The following MGST1 variants were observed in gnomAD, a reference collection of about 807,000 sequenced individuals.
MGST1 encodes glutathione S-transferase 12.
A neutral mutation model predicts 8.9 loss-of-function variants in MGST1; 5 were observed. The ratio of observed to expected loss-of-function variants is 0.56; its 90% CI spans 0.29 to 1.19. MGST1 has a LOEUF of 1.19. MGST1 is among the 50% of genes most tolerant of loss of function. The probability of loss-of-function intolerance (pLI) is 0.08; values close to 1 mark genes in which losing one functional copy is unlikely to be tolerated. For synonymous variants in MGST1, 54 were observed against 67.8 expected (o/e 0.80, Z 1.00); for missense variants, 182 against 187.4 (o/e 0.97, Z 0.17).
chr12:16,394,480 TTCTTC>T, intron 1 of MGST1, among the ~76,000 whole-genome samples: 1 of 140,706 alleles, frequency 7.1e-6, no homozygotes, highest in East Asian at 2.2e-4. Flanking sequence ...CTTTCTATCT[TTCTTC>T]CTTTCTTTCT....
intron 4 of MGST1, among the ~76,000 whole-genome samples, chr12:16,519,356 C>A (rs1941634438): frequency 6.6e-6 from 1 of 152,154 alleles, no homozygotes; most frequent in South Asian, 2.1e-4. Context: ...ATAGAGACTA[C>A]TTCTGGGAAC....
intron 4 of MGST1, among the ~76,000 whole-genome samples, chr12:16,467,060 A>T (rs10772940): frequency 0.56 from 84,501 of 151,652 alleles, 24,101 homozygotes; most frequent in Non-Finnish European, 0.64. Context: ...TCTTTTATTT[A>T]AAAAAAAATT....
chr12:16,432,731 C>G (rs55849479), intron 1 of MGST1, among the ~76,000 whole-genome samples: 88,697 of 131,166 alleles, frequency 0.68, 30,270 homozygotes, highest in East Asian at 0.96. Flanking sequence ...CACACACACA[C>G]AGAGAGAGAG....
chr12:16,368,911 C>T (rs1010660350), downstream of MGST1, among the ~76,000 whole-genome samples: 2 of 152,114 alleles, frequency 1.3e-5, no homozygotes, highest in African/African-American at 4.8e-5. Context: ...ACGAAGAGAT[C>T]TGTATTAGTA....
intron 4 of MGST1, among the ~76,000 whole-genome samples, chr12:16,580,974 TTA>T (rs1271815470): frequency 6.6e-6 from 1 of 152,220 alleles, no homozygotes; most frequent in Admixed American, 6.5e-5. Context: ...TCCCTCAAGT[TTA>T]TGTTTGTTGT....
At chr12:16,443,076 T>C (rs1286171146), downstream of MGST1, among the ~76,000 whole-genome samples, 2 of 151,820 alleles carry the variant, frequency 1.3e-5, no homozygotes, top group Non-Finnish European at 2.9e-5. Flanking sequence ...GGGTTATATA[T>C]ATTCTTGTTT....
intron 1 of MGST1, among the ~76,000 whole-genome samples, chr12:16,407,585 A>G (rs1478562544): frequency 6.6e-6 from 1 of 152,172 alleles, no homozygotes; most frequent in Non-Finnish European, 1.5e-5. Flanking sequence ...AGGAATATAA[A>G]TTGTTGCATC....
intron 4 of MGST1, among the ~76,000 whole-genome samples, chr12:16,508,341 C>T (rs1941554190): frequency 6.6e-6 from 1 of 152,166 alleles, no homozygotes; most frequent in Non-Finnish European, 1.5e-5. Flanking sequence ...CTTGTTACTT[C>T]CCTCAGAGTA....
At chr12:16,358,397 T>G (rs975655549) in intron 3 of MGST1, among the ~76,000 whole-genome samples, 3 of 152,172 alleles carry the variant, frequency 2.0e-5, no homozygotes, top group African/African-American at 4.8e-5. Context: ...TTTGTTTTTC[T>G]TTTCCTGTGT....
At chr12:16,393,351 A>G (rs1940570704) in intron 1 of MGST1, among the ~76,000 whole-genome samples, 1 of 152,146 alleles carries the variant, frequency 6.6e-6, no homozygotes, top group African/African-American at 2.4e-5. Flanking sequence ...TTCCTTCCTC[A>G]TTTCCAAAAG....
rs1290400840 is a variant in MGST1 at position 16,537,638 on chromosome 12, T to G, written n.483-51890T>G. Among the ~76,000 whole-genome samples, 1 of 152,248 alleles carries G rather than the reference T, an allele frequency of 6.6e-6. No individual in the cohort carries two copies. Among genetic ancestry groups the G allele is most frequent in the African/African-American group, 2.4e-5 (1 of 41,474 alleles). On this transcript the variant is annotated intron_variant and non_coding_transcript_variant, in intron 4 of 4. Transcript: ENST00000538857. This position sits in a 1 kb window ranked among gnomAD's most constrained non-coding sequence, Gnocchi z 4.6. ...GGTGGAGGTTCCCAAACCTCAATTCTTGACTTCTGTGCACCTGCAGACTCA... is the reference window on the plus strand; with the variant it reads ...GGTGGAGGTTCCCAAACCTCAATTCGTGACTTCTGTGCACCTGCAGACTCA...
At chr12:16,526,205 A>T (rs1316059498) in intron 4 of MGST1, among the ~76,000 whole-genome samples, 1 of 151,604 alleles carries the variant, frequency 6.6e-6, no homozygotes, top group Non-Finnish European at 1.5e-5. Flanking sequence ...TGTTTTAGAC[A>T]TGAAGTCCTT....
intron 4 of MGST1, among the ~76,000 whole-genome samples, chr12:16,574,620 C>T (rs187154004): frequency 6.6e-6 from 1 of 152,236 alleles, no homozygotes; most frequent in East Asian, 1.9e-4. Flanking sequence ...AATTTTAAAT[C>T]TCAGTTTTCT....
At chr12:16,399,702 A>T in intron 1 of MGST1, 3 of 1,300,368 alleles carry the variant, frequency 2.3e-6, no homozygotes, top group Non-Finnish European at 3.4e-6. Flanking sequence ...AGGGTCATCA[A>T]CAATGGTCTT....
At chr12:16,391,473 A>G (rs1940552467) in intron 1 of MGST1, among the ~76,000 whole-genome samples, 1 of 152,084 alleles carries the variant, frequency 6.6e-6, no homozygotes, top group South Asian at 2.1e-4. Context: ...AGCTTCACCC[A>G]TGTTCCTGCA....
chr12:16,529,485 C>G (rs1317807232), intron 4 of MGST1, among the ~76,000 whole-genome samples: 3 of 152,040 alleles, frequency 2.0e-5, no homozygotes, highest in East Asian at 3.9e-4. Context: ...ACCTGGCACA[C>G]AAGTCTATCA....
chr12:16,423,047 C>T (rs181534618), intron 1 of MGST1, among the ~76,000 whole-genome samples: 1 of 152,294 alleles, frequency 6.6e-6, no homozygotes, highest in East Asian at 1.9e-4. Flanking sequence ...TTGTCTCCTC[C>T]ACTAAGGAAG....
intron 1 of MGST1, among the ~76,000 whole-genome samples, chr12:16,393,176 T>C (rs551166050): frequency 6.6e-6 from 1 of 152,338 alleles, no homozygotes; most frequent in South Asian, 2.1e-4. Context: ...GCCAGGCCTT[T>C]GGAAGATGCC....
At chr12:16,409,292 ATG>A (rs1331433561) in intron 1 of MGST1, among the ~76,000 whole-genome samples, 1 of 151,774 alleles carries the variant, frequency 6.6e-6, no homozygotes, top group Non-Finnish European at 1.5e-5. Context: ...GTGTGTGTGT[ATG>A]TGTGTGTATA....
Sources: allele counts gnomAD v4.1 joint callset (sites outside exome capture counted in the v4.1 genomes callset), GRCh38; gene constraint gnomAD v4.1.1; non-coding constraint Gnocchi (gnomAD v3.1); transcripts MANE v1.5; gene names NCBI Gene and HGNC (gene_info 2026-07-23, HGNC 2026-07-21).